DIDO1: variants seen among roughly 807,000 people sequenced by gnomAD.
DIDO1 encodes death inducer-obliterator 1.
In DIDO1, 16 loss-of-function variants were observed where a neutral mutation model predicts 99.4. The observed-to-expected ratio is 0.16, with a 90% CI of 0.11 to 0.24. The LOEUF (loss-of-function observed/expected upper bound fraction) is 0.24. Among genes scored for constraint, DIDO1 ranks in the 10% least tolerant of loss-of-function variants. DIDO1 has a pLI of 1.00. For synonymous variants in DIDO1, 1,366 were observed against 1,239.1 expected, an observed-to-expected ratio of 1.10 and a Z score of -2.15; for missense variants, 2,996 against 3,014.0, an observed-to-expected ratio of 0.99 and a Z score of 0.14.
chr20:62,878,566 T>C lies in DIDO1; in HGVS notation c.*667A>G, dbSNP rs2064143094. ...TTAGGCTGGTAAAACTTAACATTTT[T>C]CAATAAATTGTTATTTAAAATGCAA... On this transcript the variant is annotated 3_prime_UTR_variant, in exon 16 of 16. Coordinates refer to ENST00000395343, the MANE Select transcript of DIDO1 (RefSeq NM_001193369.2). 1 of 152,234 alleles carries C rather than the reference T, an allele frequency of 6.6e-6. No individual in the cohort carries two copies. The highest frequency in any genetic ancestry group is 1.5e-5 in the Non-Finnish European group (1 of 68,044). 9.4% of individuals were successfully genotyped at this position (152,234 alleles called of 1,614,324 possible).
chr20:62,882,517 A>G (rs904528182), intron 15 of DIDO1, 103 bp from the exon 16 acceptor site: 1 of 1,150,840 alleles, frequency 8.7e-7, no homozygotes. Flanking sequence ...TTTAATAGAC[A>G]AAAATAAGCC....
At chr20:62,920,783 T>C (rs546945311) in intron 1 of DIDO1, among the ~76,000 whole-genome samples, 1 of 152,350 alleles carries the variant, frequency 6.6e-6, no homozygotes, top group South Asian at 2.1e-4. Flanking sequence ...ATCCAGAAGC[T>C]GTCAGTTAAG....
At chr20:62,889,245 C>T (rs2064350585) in intron 15 of DIDO1, 1 of 985,568 alleles carries the variant, frequency 1.0e-6, no homozygotes, top group Non-Finnish European at 1.2e-6. Context: ...TGCACCTGCA[C>T]AGCCAGCCCT....
intron 6 of DIDO1, among the ~76,000 whole-genome samples, chr20:62,899,435 C>T (rs568476380): frequency 3.9e-5 from 6 of 152,268 alleles, no homozygotes; most frequent in East Asian, 1.9e-4. Context: ...TTCTCCAGAT[C>T]GTAAGTGTTG....
rs1907477671 is a variant in DIDO1 at position 62,878,475 on chromosome 20, C to T, written c.*758G>A. 6.6e-6 allele frequency: 1 copy of T among 152,202 alleles called. No individual in the cohort carries two copies. The highest frequency in any genetic ancestry group is 1.5e-5 in the Non-Finnish European group (1 of 68,034). 9.4% of individuals were successfully genotyped at this position (152,202 alleles called of 1,614,324 possible). A position where few individuals can be genotyped will look rare whatever the true frequency, so the allele number is the denominator to read the frequency against. ...AAGGCGAAACTGGACCAACAAAACT[C>T]CTGATTATTCAAATCAAGGACTCCT... On this transcript the variant is annotated 3_prime_UTR_variant, in exon 16 of 16. Transcript: ENST00000395343.
Position 62,909,853 on chromosome 20 carries a change from T to C in DIDO1, c.1007A>G (p.Gln336Arg). ...DETHSETADQ[Q>R]EAKWRPGDAD... ...ATCTCCAGGTCTCCATTTAGCTTCC[T>C]GCTGATCTGCCGTTTCTGAATGAGT... Residue 336 changes from glutamine (Q) to arginine (R), a missense_variant, in exon 4 of 16, where the codon CAG becomes CGG. Gln to Arg is a conservative substitution (Grantham distance 43, BLOSUM62 1). Coordinates refer to ENST00000395343, the MANE Select transcript of DIDO1 (RefSeq NM_001193369.2). 6.2e-7 allele frequency: 1 copy of C among 1,614,218 alleles called. No homozygotes were observed. Among genetic ancestry groups the C allele is most frequent in the Non-Finnish European group, 8.5e-7 (1 of 1,180,046 alleles).
intron 1 of DIDO1, among the ~76,000 whole-genome samples, chr20:62,917,031 C>CT (rs1487546070): frequency 6.6e-6 from 1 of 152,058 alleles, no homozygotes; most frequent in Non-Finnish European, 1.5e-5. Flanking sequence ...ATAAAACAAA[C>CT]ATTTTTTTTC....
chr20:62,908,942 C>G (rs2064865839), intron 4 of DIDO1, among the ~76,000 whole-genome samples: 2 of 152,280 alleles, frequency 1.3e-5, no homozygotes, highest in Non-Finnish European at 2.9e-5. Flanking sequence ...CCATTCATCT[C>G]TGAATGCCCA....
At chr20:62,884,224 G>C (rs1400384141) in intron 15 of DIDO1, among the ~76,000 whole-genome samples, 2 of 152,042 alleles carry the variant, frequency 1.3e-5, no homozygotes, top group Non-Finnish European at 2.9e-5. Flanking sequence ...ATTATTCAAA[G>C]ATATTCCCAA....
chr20:62,936,706 A>G (rs1468503473), intron 1 of DIDO1, among the ~76,000 whole-genome samples: 1 of 151,630 alleles, frequency 6.6e-6, no homozygotes, highest in Non-Finnish European at 1.5e-5. Flanking sequence ...TCTACTAAAA[A>G]TACAAAAATT....
Position 62,907,248 on chromosome 20 carries a change from T to C in DIDO1, c.1273A>G (p.Thr425Ala). Residue 425 changes from threonine to alanine, a missense_variant, in exon 5 of 16, where the codon ACA (threonine) becomes GCA (alanine). This residue lies in a region of DIDO1 where 898 missense variants were observed against 972.7 expected (regional missense o/e 0.92). Coordinates refer to ENST00000395343, the MANE Select transcript of DIDO1 (RefSeq NM_001193369.2). ...TTACCTGAGCTTAGAAACTTCATTG[T>C]CGCTGCGGCGTGTTTGAGGATACAG... The part of the protein sequence containing the change: ...NDCILKHAAA[T>A]MKFLSSGKEQ... 2.5e-6 allele frequency: 4 copies of C among 1,614,256 alleles called. No individual in the cohort carries two copies. Among genetic ancestry groups the C allele is most frequent in the Non-Finnish European group, 3.4e-6 (4 of 1,180,044 alleles).
chr20:62,884,273 A>G (rs528147700), intron 15 of DIDO1, among the ~76,000 whole-genome samples: 1 of 152,206 alleles, frequency 6.6e-6, no homozygotes, highest in Non-Finnish European at 1.5e-5. Flanking sequence ...GAGTACTAAC[A>G]TTCCAGTAAC....
In DIDO1 at chr20:62,881,882, C is replaced by T. The variant is rs150301288; in HGVS notation, c.4074G>A (p.Pro1358=). 2.0e-4 allele frequency: 324 copies of T among 1,613,496 alleles called. 1 individual carries two copies. The East Asian group carries it at 6.4e-3, about 32-fold the overall frequency. Residue 1358 remains proline (P), a synonymous_variant, in exon 16 of 16, where the codon CCG becomes CCA. Coordinates refer to ENST00000395343, the MANE Select transcript of DIDO1 (RefSeq NM_001193369.2). The surrounding 1 kb of genome is among the most constrained non-coding windows in gnomAD (Gnocchi z 8.3). The stretch of plus-strand genomic sequence containing the variant: ...ACTGCTGGACGATCGGATCTAACAA[C>T]GGAGGTGCCGGCACCCCGTCCTCTG... ...TTAEDGVPAP[P]LLDPIVQQFG...
intron 15 of DIDO1, among the ~76,000 whole-genome samples, chr20:62,884,134 A>T (rs1301404205): frequency 1.3e-5 from 2 of 152,244 alleles, no homozygotes; most frequent in Non-Finnish European, 2.9e-5. Flanking sequence ...CGAGGTGCTC[A>T]GCAAACAGGT....
At chr20:62,905,716 G>C in intron 6 of DIDO1, 171 bp downstream of exon 6, 6 of 1,607,824 alleles carry the variant, frequency 3.7e-6, no homozygotes, top group Non-Finnish European at 5.1e-6. Flanking sequence ...GATGGACACA[G>C]GGCAGCAGGA....
At chr20:62,889,848 A>C in intron 15 of DIDO1, 1 of 985,486 alleles carries the variant, frequency 1.0e-6, no homozygotes, top group Non-Finnish European at 1.2e-6. Flanking sequence ...GCAAATATTT[A>C]ACCCTGAAAT....
chr20:62,907,951 G>GT (rs1283697853), intron 4 of DIDO1, among the ~76,000 whole-genome samples: 1 of 152,258 alleles, frequency 6.6e-6, no homozygotes, highest in Non-Finnish European at 1.5e-5. Flanking sequence ...ATTTTTCAGT[G>GT]TAAGTATGCC....
rs1402178151 is a variant in DIDO1 at position 62,893,012 on chromosome 20, G to A, written c.3102-50C>T. ...AAGTCAATGTCTCTCTGTGCAATGA[G>A]AATTTCAAAAGTAGAAAGCCTTTTT... On this transcript the variant is annotated intron_variant, in intron 12 of 15. Transcript: ENST00000395343. 7 of 1,536,876 alleles carry A rather than the reference G, an allele frequency of 4.6e-6. No homozygotes were observed. The Admixed American group carries it at 8.4e-5, about 18-fold the overall frequency.
At chr20:62,893,552 A>T (rs918014809) in intron 12 of DIDO1, 114 bp downstream of exon 12, 6 of 1,253,404 alleles carry the variant, frequency 4.8e-6, no homozygotes, top group African/African-American at 1.5e-5. Flanking sequence ...TGAAAGAGTG[A>T]AGCTGTATTT....
Sources: allele counts gnomAD v4.1 joint callset (sites outside exome capture counted in the v4.1 genomes callset), GRCh38; gene constraint gnomAD v4.1.1; regional missense constraint gnomAD v4.1.1; non-coding constraint Gnocchi (gnomAD v3.1); transcripts MANE v1.5; gene names NCBI Gene and HGNC (gene_info 2026-07-23, HGNC 2026-07-21).